TTC39B: variants seen among roughly 807,000 people sequenced by gnomAD.
TTC39B encodes the protein tetratricopeptide repeat domain 39B, also known as tetratricopeptide repeat protein 39B.
A neutral mutation model predicts 96.6 loss-of-function variants in TTC39B; 92 were observed. That is an observed-to-expected ratio of 0.95 (90% CI 0.80 to 1.13). TTC39B has a LOEUF of 1.13. TTC39B is among the 50% of genes most tolerant of loss of function. The pLI, the probability that TTC39B is intolerant of heterozygous loss-of-function variation, is 0.00. For missense variants in TTC39B, 955 were observed against 809.3 expected (o/e 1.18, Z -2.18); for synonymous variants, 367 against 299.4 (o/e 1.23, Z -2.33).
At chr9:15,296,975 A>C (rs967850744) in intron 1 of TTC39B, among the ~76,000 whole-genome samples, 8 of 152,196 alleles carry the variant, frequency 5.3e-5, no homozygotes, top group Admixed American at 5.2e-4. Flanking sequence ...TGACAGAGCA[A>C]GACCCTGTCT....
At chr9:15,200,081 AC>A (rs746813073) in intron 7 of TTC39B, among the ~76,000 whole-genome samples, 156 bp from the exon 8 acceptor site, 20 of 152,216 alleles carry the variant, frequency 1.3e-4, no homozygotes, top group Non-Finnish European at 2.8e-4. Flanking sequence ...CTCTTGCTTT[AC>A]ATTTAAAAGT....
At chr9:15,280,563 C>T (rs112300818) in intron 1 of TTC39B, among the ~76,000 whole-genome samples, 10,046 of 152,212 alleles carry the variant, frequency 0.066, 419 homozygotes, top group African/African-American at 0.11. Context: ...TGCAGAGTCC[C>T]GCTATCAGCT....
intron 1 of TTC39B, among the ~76,000 whole-genome samples, chr9:15,291,422 C>T (rs1824185767): frequency 1.3e-5 from 2 of 152,210 alleles, no homozygotes; most frequent in African/African-American, 4.8e-5. Context: ...TCCTTGCCAT[C>T]TGCGATGATG....
At chr9:15,303,290 G>A (rs981248171) in intron 1 of TTC39B, among the ~76,000 whole-genome samples, 6 of 151,924 alleles carry the variant, frequency 3.9e-5, no homozygotes, top group Non-Finnish European at 7.4e-5. Flanking sequence ...CTACATAATA[G>A]CAATGTAATC....
intron 8 of TTC39B, among the ~76,000 whole-genome samples, chr9:15,199,321 G>C (rs1171247526): frequency 6.6e-6 from 1 of 152,160 alleles, no homozygotes. Context: ...CAGAAATTAT[G>C]TCAGTAGCTT....
intron 1 of TTC39B, among the ~76,000 whole-genome samples, chr9:15,296,622 G>C (rs1036983511): frequency 1.3e-5 from 2 of 152,132 alleles, no homozygotes; most frequent in African/African-American, 4.8e-5. Flanking sequence ...AGCCTCCCGA[G>C]TAGCTGGGAT....
chr9:15,172,064 T>C, exon 20 of TTC39B: 1 of 1,612,976 alleles, frequency 6.2e-7, no homozygotes, highest in Non-Finnish European at 8.5e-7. Flanking sequence ...CTGCCTGAAT[T>C]CTGAAGTGTA....
At chr9:15,280,804 G>C (rs1823733400) in intron 1 of TTC39B, among the ~76,000 whole-genome samples, 1 of 152,154 alleles carries the variant, frequency 6.6e-6, no homozygotes, top group Admixed American at 6.5e-5. Context: ...AATTCCAAAA[G>C]TAGGAGGAGT....
chr9:15,183,429 T>G, intron 16 of TTC39B: 1 of 354,432 alleles, frequency 2.8e-6, no homozygotes, highest in Middle Eastern at 3.8e-4. Context: ...TCTGAGACTT[T>G]ATGAAAAACA....
At position 15,263,090 on chromosome 9, in the gene TTC39B, T is replaced by TACTTCTCC. The variant is rs536014847; in HGVS notation, c.275+4816_275+4823dup. On this transcript the variant is annotated intron_variant, in intron 2 of 19. Coordinates refer to ENST00000512701, the Ensembl canonical transcript of TTC39B. Reference sequence around the variant, plus strand: ...CCTCTGACTTGGACTAGAAGTCCATTACTTCTCCTGTGTCTCCAGCTTGCC... The same window carrying TACTTCTCC: ...CCTCTGACTTGGACTAGAAGTCCATTACTTCTCCACTTCTCCTGTGTCTCCAGCTTGCC... 2.5e-4 allele frequency among the ~76,000 whole-genome samples: 38 copies of TACTTCTCC among 152,348 alleles called. No homozygotes were observed. The East Asian group carries it at 6.7e-3, about 27-fold the overall frequency.
intron 8 of TTC39B, among the ~76,000 whole-genome samples, chr9:15,194,520 A>G (rs1178524079): frequency 1.3e-5 from 2 of 152,186 alleles, no homozygotes; most frequent in Non-Finnish European, 2.9e-5. Context: ...CCTGTGGTTC[A>G]TTTCACTGAT....
intron 3 of TTC39B, 124 bp downstream of exon 3, chr9:15,225,793 A>G: frequency 1.4e-6 from 1 of 705,198 alleles, no homozygotes; most frequent in South Asian, 3.3e-5. Flanking sequence ...CTACTTGCCT[A>G]GGCCTCTCCT....
intron 6 of TTC39B, among the ~76,000 whole-genome samples, chr9:15,204,526 T>C (rs549483845): frequency 2.0e-5 from 3 of 147,134 alleles, no homozygotes; most frequent in African/African-American, 5.2e-5. Flanking sequence ...TGAAACTCCA[T>C]CTCAAAAAGA....
intron 1 of TTC39B, among the ~76,000 whole-genome samples, chr9:15,284,360 A>G (rs1039291043): frequency 1.3e-5 from 2 of 152,238 alleles, no homozygotes; most frequent in African/African-American, 4.8e-5. Flanking sequence ...ACATACATTG[A>G]CACAGCAATA....
chr9:15,240,004 C>T, intron 2 of TTC39B, among the ~76,000 whole-genome samples: 1 of 152,302 alleles, frequency 6.6e-6, no homozygotes, highest in East Asian at 1.9e-4. Flanking sequence ...GCTACATAGA[C>T]AACATTTGTC....
intron 3 of TTC39B, among the ~76,000 whole-genome samples, chr9:15,223,107 G>C (rs761931792): frequency 2.0e-5 from 3 of 152,156 alleles, no homozygotes; most frequent in Non-Finnish European, 4.4e-5. Flanking sequence ...TGCCCTTTAG[G>C]ACAATGGCAG....
At chr9:15,278,006 A>G (rs1823611575) in intron 1 of TTC39B, among the ~76,000 whole-genome samples, 1 of 152,262 alleles carries the variant, frequency 6.6e-6, no homozygotes, top group Admixed American at 6.5e-5. Flanking sequence ...CACTGTCACA[A>G]AAAAAATTTG....
At chr9:15,262,835 C>A (rs1190852512) in intron 2 of TTC39B, among the ~76,000 whole-genome samples, 1 of 152,184 alleles carries the variant, frequency 6.6e-6, no homozygotes, top group Non-Finnish European at 1.5e-5. Flanking sequence ...GAGATTGAAG[C>A]ACTTGCTCTC....
intron 1 of TTC39B, among the ~76,000 whole-genome samples, chr9:15,270,406 C>T (rs1390651285): frequency 6.6e-6 from 1 of 151,428 alleles, no homozygotes; most frequent in Non-Finnish European, 1.5e-5. Flanking sequence ...ACTCCCTCTG[C>T]ACTTACCAAC....
Sources: gnomAD v4.1 joint callset for allele counts (sites outside exome capture counted in the v4.1 genomes callset) on GRCh38, gnomAD v4.1.1 for gene constraint, MANE v1.5 for transcripts, NCBI Gene and HGNC (gene_info 2026-07-23, HGNC 2026-07-21) for gene names.